RPL27A: variants seen among roughly 807,000 people sequenced by gnomAD.
RPL27A encodes the protein large ribosomal subunit protein uL15.
For synonymous variants in RPL27A, 69 were observed against 68.3 expected (o/e 1.01, Z -0.05); for missense variants, 118 against 189.4 (o/e 0.62, Z 2.21).
chr11:8,683,289 G>T (rs370331554), intron 2 of RPL27A, 24 bp downstream of exon 2: 1 of 1,610,750 alleles, frequency 6.2e-7, no homozygotes, highest in South Asian at 1.1e-5. Context: ...TCCCCTCGGG[G>T]TGGGCCTTGG....
At chr11:8,682,880 TG>T in intron 1 of RPL27A, 64 bp downstream of exon 1, 1 of 1,555,446 alleles carries the variant, frequency 6.4e-7, no homozygotes, top group Non-Finnish European at 8.7e-7. Flanking sequence ...GTATTCCCAT[TG>T]CCCCTAGTCA....
At chr11:8,683,929 C>T (rs189869720) in intron 2 of RPL27A, 77 bp from the exon 3 acceptor site, 1 of 1,150,710 alleles carries the variant, frequency 8.7e-7, no homozygotes, top group Non-Finnish European at 1.3e-6. Flanking sequence ...TGATCTACCC[C>T]CCCTCGTCCT....
At position 8,689,717 on chromosome 11, in the gene RPL27A, C is replaced by T. The variant is rs777289119; in HGVS notation, c.*3911C>T. 7.2e-5 allele frequency: 11 copies of T among 152,196 alleles called. No individual in the cohort carries two copies. The highest frequency in any genetic ancestry group is 1.0e-4 in the Non-Finnish European group (7 of 68,032). The allele number at this position is 152,196 out of a possible 1,614,324, so 9.4% of individuals were successfully genotyped here. A position where few individuals can be genotyped will look rare whatever the true frequency, so the allele number is the denominator to read the frequency against. ...TATAGGTTAAAGCGTAAATTTAATT[C>T]CTGGCTCTATTTTACATCCCAATTT... On this transcript the variant is annotated 3_prime_UTR_variant, in exon 5 of 5. Transcript: ENST00000314138.
rs2039587099 is a variant in RPL27A at position 8,686,391 on chromosome 11, C to T, written c.*585C>T. ...GATTACAGGCGCCCACCACCATGCC[C>T]AGCTAATTTTTGTATTTTCAGTAGA... On this transcript the variant is annotated 3_prime_UTR_variant, in exon 5 of 5. Transcript: ENST00000314138. 6.5e-6 allele frequency: 1 copy of T among 152,706 alleles called. No homozygotes were observed. Among genetic ancestry groups the T allele is most frequent in the East Asian group, 1.9e-4 (1 of 5,194 alleles). The allele number at this position is 152,706 out of a possible 1,614,324, so 9.5% of individuals were successfully genotyped here.
chr11:8,687,533 C>G lies in RPL27A; in HGVS notation c.*1727C>G, dbSNP rs1232814162. On this transcript the variant is annotated 3_prime_UTR_variant, in exon 5 of 5. Transcript: ENST00000314138. The stretch of plus-strand genomic sequence containing the variant: ...CTCAATATTTGGTCTTCACCCAATA[C>G]CTGTGTGACTTTTAGTCCTAATTTC... 6.6e-6 allele frequency: 1 copy of G among 152,232 alleles called. No individual in the cohort carries two copies. 9.4% of individuals were successfully genotyped at this position (152,232 alleles called of 1,614,324 possible).
At position 8,685,786 on chromosome 11, in the gene RPL27A, G is replaced by T. The variant is rs2039581552; in HGVS notation, c.427G>T (p.Ala143Ser). 2.3e-5 allele frequency: 37 copies of T among 1,613,892 alleles called. No homozygotes were observed. The highest frequency in any genetic ancestry group is 2.9e-5 in the Non-Finnish European group (34 of 1,179,846). Reference sequence around the variant, plus strand: ...GGAGAAGATTAAGAGTGTTGGGGGGGCCTGTGTCCTGGTGGCTTGAAGCCA... The same window carrying T: ...GGAGAAGATTAAGAGTGTTGGGGGGTCCTGTGTCCTGGTGGCTTGAAGCCA... ...AEEKIKSVGG[A>S]CVLVA Residue 143 changes from alanine to serine, a missense_variant, in exon 5 of 5, where the codon GCC (alanine) becomes TCC (serine). Coordinates refer to ENST00000314138, the MANE Select transcript of RPL27A (RefSeq NM_000990.5).
intron 2 of RPL27A, 26 bp downstream of exon 2, chr11:8,683,291 G>A: frequency 6.2e-7 from 1 of 1,607,360 alleles, no homozygotes; most frequent in Non-Finnish European, 8.5e-7. Context: ...CCCTCGGGGT[G>A]GGCCTTGGGC....
intron 2 of RPL27A, 179 bp from the exon 3 acceptor site, chr11:8,683,827 G>T (rs1303845911): frequency 1.1e-5 from 7 of 619,094 alleles, no homozygotes; most frequent in African/African-American, 1.8e-5. Flanking sequence ...ACAGGTGTGC[G>T]CCACGACGCC....
At position 8,689,597 on chromosome 11, in the gene RPL27A, C is replaced by T. The variant is rs1017519302; in HGVS notation, c.*3791C>T. On this transcript the variant is annotated 3_prime_UTR_variant, in exon 5 of 5. Coordinates refer to ENST00000314138, the MANE Select transcript of RPL27A (RefSeq NM_000990.5). ...AGAGTTTTCATGGCCTTTTAAATTA[C>T]ACCCCCACCTCCACAGGCAAATAAA... 4 of 151,434 alleles carry T rather than the reference C, an allele frequency of 2.6e-5. No homozygotes were observed. The highest frequency in any genetic ancestry group is 9.7e-5 in the African/African-American group (4 of 41,198). The allele number at this position is 151,434 out of a possible 1,614,324, so 9.4% of individuals were successfully genotyped here.
chr11:8,686,217 G>A lies in RPL27A; in HGVS notation c.*411G>A, dbSNP rs2039585355. ...TTTAGGACTTAAGTTCTCAGCCCAA[G>A]GTTTTTCCACGTGGCCCCCTCATCT... On this transcript the variant is annotated 3_prime_UTR_variant, in exon 5 of 5. Transcript: ENST00000314138. 6.4e-6 allele frequency: 1 copy of A among 155,760 alleles called. No individual in the cohort carries two copies. Among genetic ancestry groups the A allele is most frequent in the Non-Finnish European group, 1.4e-5 (1 of 70,420 alleles). The allele number at this position is 155,760 out of a possible 1,614,324, so 9.6% of individuals were successfully genotyped here.
rs1444690549 is a variant in RPL27A at position 8,686,971 on chromosome 11, A to G, written c.*1165A>G. 6.6e-6 allele frequency: 1 copy of G among 152,256 alleles called. No homozygotes were observed. The highest frequency in any genetic ancestry group is 1.5e-5 in the Non-Finnish European group (1 of 68,044). The allele number at this position is 152,256 out of a possible 1,614,324, so 9.4% of individuals were successfully genotyped here. ...GGTTTCCTTAGTGCACTGTGGGGTC[A>G]TAATAAGCCGAGAACCATGGCTGTC... On this transcript the variant is annotated 3_prime_UTR_variant, in exon 5 of 5. Coordinates refer to ENST00000314138, the MANE Select transcript of RPL27A (RefSeq NM_000990.5).
At position 8,689,229 on chromosome 11, in the gene RPL27A, T is replaced by G. The variant is rs1423094700; in HGVS notation, c.*3423T>G. 1 of 152,242 alleles carries G rather than the reference T, an allele frequency of 6.6e-6. No individual in the cohort carries two copies. Among genetic ancestry groups the G allele is most frequent in the Non-Finnish European group, 1.5e-5 (1 of 68,048 alleles). The allele number at this position is 152,242 out of a possible 1,614,324, so 9.4% of individuals were successfully genotyped here. A position where few individuals can be genotyped will look rare whatever the true frequency, so the allele number is the denominator to read the frequency against. On this transcript the variant is annotated 3_prime_UTR_variant, in exon 5 of 5. Coordinates refer to ENST00000314138, the MANE Select transcript of RPL27A (RefSeq NM_000990.5). ...ACTTCGAGCCCCTTTAGGGTGCGTT[T>G]AAGAACAGTGGGCGTGGCCTTTACG...
chr11:8,688,888 G>C lies in RPL27A; in HGVS notation c.*3082G>C, dbSNP rs2039610727. 1.3e-5 allele frequency: 2 copies of C among 152,282 alleles called. No individual in the cohort carries two copies. Among genetic ancestry groups the C allele is most frequent in the African/African-American group, 4.8e-5 (2 of 41,466 alleles). 9.4% of individuals were successfully genotyped at this position (152,282 alleles called of 1,614,324 possible). On this transcript the variant is annotated 3_prime_UTR_variant, in exon 5 of 5. Transcript: ENST00000314138. ...CGCCCACCTGGTGGCTCCATCGGCC[G>C]CGTTCATCAGTCAGCACGACCCGAC... is the stretch of plus-strand genomic sequence containing the variant.
chr11:8,682,804 G>A lies in RPL27A; in HGVS notation c.-10G>A, dbSNP rs1441652272. ...GGCGAAGGCCTTCCTTTTTCGTCTG[G>A]GCTGCCAACATGGTAGGTGTTTCGT... On this transcript the variant is annotated 5_prime_UTR_variant, in exon 1 of 5. Transcript: ENST00000314138. 3 of 1,613,200 alleles carry A rather than the reference G, an allele frequency of 1.9e-6. No individual in the cohort carries two copies. The highest frequency in any genetic ancestry group is 2.2e-5 in the East Asian group (1 of 44,778).
At chr11:8,683,314 C>CT in intron 2 of RPL27A, 49 bp downstream of exon 2, 1 of 1,521,054 alleles carries the variant, frequency 6.6e-7, no homozygotes, top group Non-Finnish European at 9.1e-7. Flanking sequence ...TCTTCGGGTG[C>CT]TTAGCTAGTC....
At chr11:8,684,316 T>A in intron 3 of RPL27A, 3 of 746,100 alleles carry the variant, frequency 4.0e-6, no homozygotes, top group Non-Finnish European at 7.4e-6. Context: ...TCACTGGCTG[T>A]GGGCCTTATG....
rs2039580664 is a variant in RPL27A at position 8,685,679 on chromosome 11, G to A, written c.320G>A (p.Gly107Asp). 1 of 1,613,982 alleles carries A rather than the reference G, an allele frequency of 6.2e-7. No homozygotes were observed. The highest frequency in any genetic ancestry group is 1.7e-5 in the Admixed American group (1 of 60,004). The change falls in exon 5 of 5, where the codon GGC becomes GAC. Residue 107 changes from glycine to aspartate, a missense_variant and splice_region_variant. Gly to Asp is a moderately conservative substitution (Grantham distance 94, BLOSUM62 -1). Transcript: ENST00000314138. The stretch of plus-strand genomic sequence containing the variant: ...AAACTTTTTTCTCTGTTCTTCTAGG[G>A]CTACTACAAAGTTCTGGGAAAGGGA... Reference protein sequence around the residue: ...AAPIIDVVRSGYYKVLGKGKL... With the variant: ...AAPIIDVVRSDYYKVLGKGKL...
rs2039602185 is a variant in RPL27A, at chr11:8,687,897, G to A, written c.*2091G>A. On this transcript the variant is annotated 3_prime_UTR_variant, in exon 5 of 5. Transcript: ENST00000314138. ...AGCCTCCCAAAGTGCTGGGATTACA[G>A]GCATGAGCCACCGCGCCCGGCCCAG... 6.6e-6 allele frequency: 1 copy of A among 152,358 alleles called. No homozygotes were observed. Among genetic ancestry groups the A allele is most frequent in the Admixed American group, 6.5e-5 (1 of 15,288 alleles). 9.4% of individuals were successfully genotyped at this position (152,358 alleles called of 1,614,324 possible). A position where few individuals can be genotyped will look rare whatever the true frequency, so the allele number is the denominator to read the frequency against.
intron 3 of RPL27A, 65 bp from the exon 4 acceptor site, chr11:8,684,653 A>C: frequency 7.1e-7 from 1 of 1,410,232 alleles, no homozygotes; most frequent in South Asian, 1.2e-5. Context: ...GGTGGTAACT[A>C]TAAAGATGAT....
Sources: gnomAD v4.1 joint callset for allele counts on GRCh38, gnomAD v4.1.1 for gene constraint, MANE v1.5 for transcripts, NCBI Gene and HGNC (gene_info 2026-07-23, HGNC 2026-07-21) for gene names.